The following DPP6 variants were observed in gnomAD, a reference collection of about 807,000 sequenced individuals.
The protein encoded by DPP6 is A-type potassium channel modulatory protein DPP6.
DPP6 carries 69 observed loss-of-function variants against 122.6 expected under a neutral mutation model. The observed-to-expected ratio is 0.56, with a 90% CI of 0.46 to 0.69. DPP6 has a LOEUF of 0.69. Ranked by LOEUF, DPP6 falls within the 30% of genes least tolerant of loss-of-function variation. DPP6 has a pLI of 0.00. For synonymous variants in DPP6, 418 were observed against 433.1 expected (o/e 0.97, Z 0.43); for missense variants, 928 against 1,116.9 (o/e 0.83, Z 2.41).
chr7:153,990,945 G>A (rs1259007639), intron 1 of DPP6, among the ~76,000 whole-genome samples: 2 of 152,228 alleles, frequency 1.3e-5, no homozygotes, highest in Non-Finnish European at 2.9e-5. Flanking sequence ...GGTCAAGGTT[G>A]TTTCTGGATC....
At chr7:154,541,047 T>C (rs1015982976) in intron 4 of DPP6, among the ~76,000 whole-genome samples, 6 of 152,218 alleles carry the variant, frequency 3.9e-5, no homozygotes, top group Non-Finnish European at 7.3e-5. Flanking sequence ...CTAATTATAT[T>C]AAGTGGATGC....
chr7:154,130,826 A>C (rs1453337534), intron 1 of DPP6, among the ~76,000 whole-genome samples: 1 of 152,154 alleles, frequency 6.6e-6, no homozygotes, highest in Non-Finnish European at 1.5e-5. Flanking sequence ...CACAATAAAA[A>C]AAAATAAAGC....
chr7:154,819,501 C>T (rs1307055886), intron 16 of DPP6, among the ~76,000 whole-genome samples: 1 of 152,002 alleles, frequency 6.6e-6, no homozygotes, highest in East Asian at 1.9e-4. Context: ...TCCTTGTTGC[C>T]CCAGCTCTGG....
At chr7:154,271,231 G>A (rs77117592) in intron 1 of DPP6, among the ~76,000 whole-genome samples, 12,679 of 152,210 alleles carry the variant, frequency 0.083, 559 homozygotes, top group Middle Eastern at 0.13. Context: ...AAGATTCAGT[G>A]ATACCCCATT....
chr7:153,977,770 T>G (rs538547132), intron 1 of DPP6, among the ~76,000 whole-genome samples: 1 of 151,954 alleles, frequency 6.6e-6, no homozygotes, highest in Non-Finnish European at 1.5e-5. Context: ...TTTGTTCTCA[T>G]TGTTCAACTC....
At chr7:153,818,155 A>G in the DPP6 span, among the ~76,000 whole-genome samples, 1 of 151,892 alleles carries the variant, frequency 6.6e-6, no homozygotes, top group Admixed American at 6.6e-5. Flanking sequence ...ATGCATATAT[A>G]TATATATATT....
the DPP6 span, among the ~76,000 whole-genome samples, chr7:153,771,246 A>T: frequency 6.6e-6 from 1 of 152,240 alleles, no homozygotes; most frequent in African/African-American, 2.4e-5. Context: ...ACCCACAGGG[A>T]AAAGAAAGAC....
rs117000725 is a variant in DPP6, at chr7:154,864,893, G to T, written c.1715-3102G>T. On this transcript the variant is annotated intron_variant, in intron 17 of 25. Transcript: ENST00000377770. Reference sequence around the variant, plus strand: ...CTGGTAACGGGCTGTTTGGTGGCCAGCCTGTGTTCCGTTAGCTCTAGGCAA... The same window carrying T: ...CTGGTAACGGGCTGTTTGGTGGCCATCCTGTGTTCCGTTAGCTCTAGGCAA... 6.6e-3 allele frequency among the ~76,000 whole-genome samples: 1,011 copies of T among 152,324 alleles called. 8 individuals are homozygous for T. The highest frequency in any genetic ancestry group is 9.5e-3 in the Non-Finnish European group (645 of 68,018).
intron 1 of DPP6, among the ~76,000 whole-genome samples, chr7:154,231,726 C>G (rs10259108): frequency 6.6e-6 from 1 of 152,084 alleles, no homozygotes; most frequent in African/African-American, 2.4e-5. Flanking sequence ...GGAGCACTTG[C>G]GAGCCACAGA....
Position 154,603,527 on chromosome 7 carries a change from G to A in DPP6, c.628-34294G>A, listed in dbSNP as rs180897644. ...ACTAAAAATACAACAAAAATTAGCC[G>A]AGCTAATAATCCCAGCTACTCGGGA... On this transcript the variant is annotated intron_variant, in intron 5 of 25. Transcript: ENST00000377770. Among the ~76,000 whole-genome samples, 844 of 113,612 alleles carry A rather than the reference G, an allele frequency of 7.4e-3. 254 individuals carry two copies. The highest frequency in any genetic ancestry group is 0.028 in the South Asian group (71 of 2,544). 74.5% of individuals were successfully genotyped at this position (113,612 alleles called of 152,430 possible).
chr7:154,593,460 G>A lies in DPP6; in HGVS notation c.627+26544G>A, dbSNP rs140562215. Among the ~76,000 whole-genome samples, 812 of 152,324 alleles carry A rather than the reference G, an allele frequency of 5.3e-3. 8 individuals carry two copies. The highest frequency in any genetic ancestry group is 0.018 in the African/African-American group (753 of 41,558). On this transcript the variant is annotated intron_variant, in intron 5 of 25. Coordinates refer to ENST00000377770, the MANE Select transcript of DPP6 (RefSeq NM_130797.4). ...TTAGATTGCACTCTTACACTGTGCT[G>A]TTCAAATTATGAATTGGCCTCACTT...
At chr7:154,147,536 A>G (rs369981189) in intron 1 of DPP6, among the ~76,000 whole-genome samples, 18 of 149,506 alleles carry the variant, frequency 1.2e-4, no homozygotes, top group Non-Finnish European at 2.2e-4. Flanking sequence ...CTGGAGTGCA[A>G]TGGTGCAATC....
intron 1 of DPP6, among the ~76,000 whole-genome samples, chr7:153,959,368 C>T (rs1282669475): frequency 6.6e-6 from 1 of 152,092 alleles, no homozygotes; most frequent in Non-Finnish European, 1.5e-5. Flanking sequence ...TAGGGTCCAC[C>T]TATTTTGGAG....
chr7:153,772,745 A>C, the DPP6 span, among the ~76,000 whole-genome samples: 1 of 148,786 alleles, frequency 6.7e-6, no homozygotes, highest in Non-Finnish European at 1.5e-5. Context: ...ATAAAGATTT[A>C]GATAGGTTAA....
the DPP6 span, among the ~76,000 whole-genome samples, chr7:153,842,899 T>C: frequency 6.6e-6 from 1 of 152,212 alleles, no homozygotes; most frequent in Non-Finnish European, 1.5e-5. Context: ...ATATCACTTG[T>C]TTGAGTATCT....
At chr7:154,160,315 G>C (rs2150706229) in intron 1 of DPP6, among the ~76,000 whole-genome samples, 1 of 152,238 alleles carries the variant, frequency 6.6e-6, no homozygotes, top group East Asian at 1.9e-4. Context: ...AACACTAACT[G>C]CTTGTAGGCC....
intron 22 of DPP6, among the ~76,000 whole-genome samples, 192 bp from the exon 23 acceptor site, chr7:154,887,484 A>T (rs1331383034): frequency 6.6e-6 from 1 of 152,192 alleles, no homozygotes; most frequent in Non-Finnish European, 1.5e-5. Context: ...GTACCGCCTG[A>T]TGCCCCTTGT....
At chr7:153,778,025 G>A in the DPP6 span, among the ~76,000 whole-genome samples, 2 of 147,908 alleles carry the variant, frequency 1.4e-5, no homozygotes, top group South Asian at 2.1e-4. Flanking sequence ...TACTTTAAAA[G>A]CATTACTTTG....
intron 1 of DPP6, among the ~76,000 whole-genome samples, chr7:154,316,105 T>C (rs970647803): frequency 1.3e-5 from 2 of 152,206 alleles, no homozygotes; most frequent in South Asian, 2.1e-4. Context: ...GAATGAACCA[T>C]TGAACAAAGT....
Sources: allele counts gnomAD v4.1 joint callset (sites outside exome capture counted in the v4.1 genomes callset), GRCh38; gene constraint gnomAD v4.1.1; transcripts MANE v1.5; gene names NCBI Gene and HGNC (gene_info 2026-07-23, HGNC 2026-07-21).